Variants in GON4L observed in about 807,000 individuals in gnomAD.
The protein encoded by GON4L is gon-4 like.
GON4L carries 87 observed loss-of-function variants against 211.8 expected under a neutral mutation model. The observed-to-expected ratio is 0.41, with a 90% CI of 0.35 to 0.49. GON4L has a LOEUF of 0.49. GON4L is among the 20% of genes least tolerant of loss of function. The pLI is 0.15. For missense variants in GON4L, 2,155 were observed against 2,659.5 expected, an observed-to-expected ratio of 0.81 and a Z score of 4.17; for synonymous variants, 875 against 962.6, an observed-to-expected ratio of 0.91 and a Z score of 1.68.
At chr1:155,762,111 T>C in intron 23 of GON4L, 79 bp downstream of exon 23, 10 of 1,179,434 alleles carry the variant, frequency 8.5e-6, no homozygotes, top group Non-Finnish European at 1.1e-5. Context: ...AAAACAGACT[T>C]TATGTTGAAA....
chr1:155,769,134 C>A lies in GON4L; in HGVS notation c.2647-1593G>T, dbSNP rs558711227. 2.6e-5 allele frequency among the ~76,000 whole-genome samples: 4 copies of A among 151,854 alleles called. No individual in the cohort carries two copies. In the East Asian group the frequency reaches 5.9e-4, roughly 22 times the overall value. On this transcript the variant is annotated intron_variant, in intron 19 of 31. Coordinates refer to ENST00000368331, the MANE Select transcript of GON4L (RefSeq NM_001282860.2). ...GGGATTACAGGTGAGTGGCACCATA[C>A]CTGGTCAATTTTTGTATTTTTAGTA...
chr1:155,791,135 G>A (rs1470599722), intron 12 of GON4L, among the ~76,000 whole-genome samples: 2 of 151,844 alleles, frequency 1.3e-5, no homozygotes, highest in Admixed American at 6.6e-5. Flanking sequence ...GGTGGCAGGC[G>A]CCTGTAATCC....
intron 31 of GON4L, among the ~76,000 whole-genome samples, chr1:155,751,192 A>C (rs897367538): frequency 6.6e-6 from 1 of 152,220 alleles, no homozygotes; most frequent in Non-Finnish European, 1.5e-5. Flanking sequence ...TCAAGAGGCT[A>C]AATGTTTTGC....
rs528172951 is a variant in GON4L, at chr1:155,789,965, C to CTCTGTCACCCAGGCTGGAGT, written c.1748-4611_1748-4592dup. 1.3e-3 allele frequency among the ~76,000 whole-genome samples: 199 copies of CTCTGTCACCCAGGCTGGAGT among 152,140 alleles called. 3 individuals carry two copies. The highest frequency in any genetic ancestry group is 0.011 in the South Asian group (55 of 4,828). ...TTTATTTATTTGAGACAAGCTCTCA[C>CTCTGTCACCCAGGCTGGAGT]TCTGTCACCCAGGCTGGAGTGCAGT... On this transcript the variant is annotated intron_variant, in intron 12 of 31. Coordinates refer to ENST00000368331, the MANE Select transcript of GON4L (RefSeq NM_001282860.2).
downstream of GON4L, chr1:155,749,235 A>G (rs2101584367): frequency 6.6e-7 from 1 of 1,526,136 alleles, no homozygotes; most frequent in Admixed American, 2.0e-5. Flanking sequence ...CTGGGCAACA[A>G]GAGCAAAACT....
intron 6 of GON4L, among the ~76,000 whole-genome samples, chr1:155,817,308 A>G (rs1668339209): frequency 6.6e-6 from 1 of 152,154 alleles, no homozygotes; most frequent in Non-Finnish European, 1.5e-5. Flanking sequence ...GAACTTTTTT[A>G]AAGTTCTTAT....
chr1:155,768,588 A>G (rs1256567373), intron 19 of GON4L, among the ~76,000 whole-genome samples: 2 of 149,958 alleles, frequency 1.3e-5, no homozygotes, highest in East Asian at 2.0e-4. Flanking sequence ...TCCAGCCTGG[A>G]TGACACAGCA....
At chr1:155,763,259 A>G in intron 22 of GON4L, 53 bp downstream of exon 22, 1 of 1,575,056 alleles carries the variant, frequency 6.3e-7, no homozygotes, top group Non-Finnish European at 8.7e-7. Flanking sequence ...ACTGTCCTCT[A>G]GACAATGAGG....
At chr1:155,763,610 A>C (rs191584645) in intron 21 of GON4L, 46 bp from the exon 22 acceptor site, 3 of 1,461,794 alleles carry the variant, frequency 2.1e-6, no homozygotes, top group East Asian at 2.5e-5. Context: ...TTAGTGGCTC[A>C]TGAATTGCAA....
intron 2 of GON4L, among the ~76,000 whole-genome samples, chr1:155,829,693 A>AAACTTAT (rs1265265461): frequency 6.6e-6 from 1 of 152,206 alleles, no homozygotes; most frequent in Non-Finnish European, 1.5e-5. Flanking sequence ...GCAGTACATA[A>AAACTTAT]GTTACAGATA....
chr1:155,816,316 T>C (rs1668233317), intron 6 of GON4L, 54 bp from the exon 7 acceptor site: 2 of 842,710 alleles, frequency 2.4e-6, no homozygotes, highest in Admixed American at 3.8e-5. Context: ...TAATTGTTTT[T>C]CATGTTTACT....
At chr1:155,847,099 A>C (rs1336601362) in intron 2 of GON4L, among the ~76,000 whole-genome samples, 1 of 152,190 alleles carries the variant, frequency 6.6e-6, no homozygotes, top group East Asian at 1.9e-4. Context: ...GCTAAATGGA[A>C]TACACAAATT....
chr1:155,848,924 G>GTC (rs1671500940), intron 2 of GON4L, among the ~76,000 whole-genome samples: 1 of 151,712 alleles, frequency 6.6e-6, no homozygotes. Context: ...GAGGCAGGCG[G>GTC]ATCACCTGAA....
At chr1:155,812,210 C>T (rs1667855522) in intron 10 of GON4L, among the ~76,000 whole-genome samples, 1 of 152,128 alleles carries the variant, frequency 6.6e-6, no homozygotes, top group Non-Finnish European at 1.5e-5. Context: ...CACGTGCCTT[C>T]TGATATGATG....
At chr1:155,853,863 C>T (rs988815015) in intron 1 of GON4L, 57 bp from the exon 2 acceptor site, 35 of 1,037,678 alleles carry the variant, frequency 3.4e-5, no homozygotes, top group East Asian at 2.8e-4. Context: ...ATAACATTTA[C>T]TCAATTATCT....
At chr1:155,755,287 T>G (rs2101639771) in intron 27 of GON4L, among the ~76,000 whole-genome samples, 1 of 152,224 alleles carries the variant, frequency 6.6e-6, no homozygotes, top group East Asian at 1.9e-4. Flanking sequence ...CAGGCTGGTT[T>G]CGAACTCCTG....
chr1:155,851,501 A>C (rs1198810033), intron 2 of GON4L, among the ~76,000 whole-genome samples: 1 of 151,858 alleles, frequency 6.6e-6, no homozygotes, highest in Non-Finnish European at 1.5e-5. Flanking sequence ...GGGTTACCTG[A>C]GGTCAGGAGT....
intron 10 of GON4L, among the ~76,000 whole-genome samples, chr1:155,811,969 T>C (rs931916291): frequency 2.0e-5 from 3 of 151,524 alleles, no homozygotes; most frequent in Non-Finnish European, 4.4e-5. Flanking sequence ...GGAGAATCAC[T>C]TGAACCCAGG....
chr1:155,851,111 T>A (rs953432713), intron 2 of GON4L, among the ~76,000 whole-genome samples: 1 of 149,032 alleles, frequency 6.7e-6, no homozygotes, highest in African/African-American at 2.5e-5. Flanking sequence ...TCCCAGCACT[T>A]TGGGAGGACG....
Sources: allele counts gnomAD v4.1 joint callset (sites outside exome capture counted in the v4.1 genomes callset), GRCh38; gene constraint gnomAD v4.1.1; transcripts MANE v1.5; gene names NCBI Gene and HGNC (gene_info 2026-07-23, HGNC 2026-07-21).